SLAMF1: variants seen among roughly 807,000 people sequenced by gnomAD.
SLAMF1 encodes the protein signaling lymphocytic activation molecule.
Under a neutral mutation model 35.1 loss-of-function variants are expected in SLAMF1, and 18 were observed. That is an observed-to-expected ratio of 0.51 (90% CI 0.35 to 0.76). The LOEUF is 0.76. Ranked by LOEUF, SLAMF1 falls within the 30% of genes least tolerant of loss-of-function variation. SLAMF1 has a pLI of 0.01. For missense variants in SLAMF1, 392 were observed against 413.0 expected, an observed-to-expected ratio of 0.95 and a Z score of 0.44; for synonymous variants, 168 against 157.2, an observed-to-expected ratio of 1.07 and a Z score of -0.51.
At position 160,608,625 on chromosome 1, in the gene SLAMF1, C is replaced by T. The variant is rs552809710; in HGVS notation, c.*2123G>A. 2.0e-5 allele frequency: 3 copies of T among 152,344 alleles called. No homozygotes were observed. The highest frequency in any genetic ancestry group is 2.0e-4 in the Admixed American group (3 of 15,304). 9.4% of individuals were successfully genotyped at this position (152,344 alleles called of 1,614,324 possible). The stretch of plus-strand genomic sequence containing the variant: ...GTGCAGGATACTTGGAAGTGATAGC[C>T]TCTTCTTCACCCTTTGTTTCTGCCC... On this transcript the variant is annotated 3_prime_UTR_variant, in exon 7 of 7. Coordinates refer to ENST00000302035, the MANE Select transcript of SLAMF1 (RefSeq NM_003037.5).
chr1:160,630,978 T>C (rs1272860762), intron 3 of SLAMF1, among the ~76,000 whole-genome samples: 2 of 152,218 alleles, frequency 1.3e-5, no homozygotes, highest in Non-Finnish European at 2.9e-5. Context: ...TCCCTCCTGT[T>C]TGTTGCCTTG....
intron 4 of SLAMF1, chr1:160,623,540 G>C: frequency 2.5e-6 from 1 of 398,778 alleles, no homozygotes; most frequent in Non-Finnish European, 4.4e-6. Context: ...CTGGTCTTGG[G>C]TCAGGACATT....
intron 2 of SLAMF1, 131 bp from the exon 3 acceptor site, chr1:160,635,028 G>C: frequency 1.3e-6 from 1 of 751,258 alleles, no homozygotes. Context: ...ATTTCTAGTG[G>C]GGAATCTATT....
intron 5 of SLAMF1, among the ~76,000 whole-genome samples, chr1:160,613,548 A>C (rs1011036873): frequency 1.3e-5 from 2 of 152,208 alleles, no homozygotes; most frequent in Non-Finnish European, 2.9e-5. Context: ...CATTAATTCA[A>C]CACATTTTGG....
chr1:160,639,356 G>T (rs1470446047), intron 1 of SLAMF1, among the ~76,000 whole-genome samples: 1 of 152,136 alleles, frequency 6.6e-6, no homozygotes, highest in Non-Finnish European at 1.5e-5. Flanking sequence ...CTCCTGGGTA[G>T]CTGGGATTAC....
intron 3 of SLAMF1, among the ~76,000 whole-genome samples, chr1:160,628,090 A>G (rs1253500003): frequency 1.3e-5 from 2 of 152,222 alleles, no homozygotes; most frequent in Non-Finnish European, 2.9e-5. Flanking sequence ...TGGAACTATG[A>G]GCCAATTAAA....
At chr1:160,626,380 G>T (rs528904450) in intron 3 of SLAMF1, among the ~76,000 whole-genome samples, 1 of 152,198 alleles carries the variant, frequency 6.6e-6, no homozygotes, top group African/African-American at 2.4e-5. Context: ...TCTTTTCTAG[G>T]GTCTCTAGAG....
intron 3 of SLAMF1, among the ~76,000 whole-genome samples, chr1:160,633,938 G>A (rs1660292009): frequency 6.6e-6 from 1 of 152,150 alleles, no homozygotes; most frequent in African/African-American, 2.4e-5. Context: ...GTTATTGTGA[G>A]GATCAAAAGA....
intron 4 of SLAMF1, among the ~76,000 whole-genome samples, chr1:160,621,855 C>CGTGCGTGTGTGTGT (rs111359378): frequency 1.4e-5 from 2 of 145,210 alleles, no homozygotes; most frequent in African/African-American, 5.2e-5. Context: ...TGCGTGAGTG[C>CGTGCGTGTGTGTGT]GTGTGTGTGT....
chr1:160,634,938 C>A (rs752490536), intron 2 of SLAMF1, 41 bp from the exon 3 acceptor site: 11 of 1,549,210 alleles, frequency 7.1e-6, no homozygotes, highest in South Asian at 1.2e-5. Context: ...CTGAAGTGAA[C>A]CCCTGGGAAT....
At chr1:160,617,061 C>T (rs775025191) in intron 5 of SLAMF1, among the ~76,000 whole-genome samples, 1 of 151,740 alleles carries the variant, frequency 6.6e-6, no homozygotes, top group Non-Finnish European at 1.5e-5. Context: ...GAGGCCGAGA[C>T]AGGAGAATGG....
intron 6 of SLAMF1, among the ~76,000 whole-genome samples, chr1:160,611,527 A>G (rs911039622): frequency 1.3e-5 from 2 of 152,184 alleles, no homozygotes; most frequent in African/African-American, 4.8e-5. Flanking sequence ...AGGAGCTTTG[A>G]AAAATAAGGT....
rs533397187 is a variant in SLAMF1 at position 160,642,274 on chromosome 1, C to T, written c.76+4596G>A. ...TTCTATCTTAGACTATTAGTATGTA[C>T]GTTCCCTAGCCTTAGAGGCTATAAC... On this transcript the variant is annotated intron_variant, in intron 1 of 6. Coordinates refer to ENST00000302035, the MANE Select transcript of SLAMF1 (RefSeq NM_003037.5). This position sits in a 1 kb window ranked among gnomAD's most constrained non-coding sequence, Gnocchi z 4.2. Among the ~76,000 whole-genome samples, 93 of 152,264 alleles carry T rather than the reference C, an allele frequency of 6.1e-4. No individual in the cohort carries two copies. The highest frequency in any genetic ancestry group is 6.8e-3 in the Middle Eastern group (2 of 294).
chr1:160,627,654 A>G (rs1180311913), intron 3 of SLAMF1, among the ~76,000 whole-genome samples: 1 of 152,216 alleles, frequency 6.6e-6, no homozygotes, highest in Non-Finnish European at 1.5e-5. Flanking sequence ...TTGGATAAGT[A>G]TGAAAAAAGT....
chr1:160,629,783 A>G lies in SLAMF1; in HGVS notation c.700+4830T>C, dbSNP rs920201525. Among the ~76,000 whole-genome samples the G allele has an allele frequency of 2.6e-5, 4 of 152,198 alleles. No individual in the cohort carries two copies. The East Asian group carries it at 7.7e-4, about 29-fold the overall frequency. On this transcript the variant is annotated intron_variant, in intron 3 of 6. Coordinates refer to ENST00000302035, the MANE Select transcript of SLAMF1 (RefSeq NM_003037.5). ...GGAGCTATGTGTCTCAGCTTCCCTT[A>G]TAGCGGGTGTGGCCCATGACCAGGC...
At chr1:160,624,500 C>T (rs1388469996) in intron 3 of SLAMF1, among the ~76,000 whole-genome samples, 1 of 152,240 alleles carries the variant, frequency 6.6e-6, no homozygotes, top group African/African-American at 2.4e-5. Context: ...GTCAATCTCT[C>T]TGCCCAGTTT....
chr1:160,639,430 T>C (rs112242144), intron 1 of SLAMF1, among the ~76,000 whole-genome samples: 8 of 152,196 alleles, frequency 5.3e-5, no homozygotes, highest in Non-Finnish European at 1.2e-4. Context: ...TTTCACCATG[T>C]TGGCCAGGCT....
intron 5 of SLAMF1, among the ~76,000 whole-genome samples, chr1:160,612,905 G>A (rs541169746): frequency 8.9e-4 from 135 of 152,264 alleles, no homozygotes; most frequent in African/African-American, 3.1e-3. Flanking sequence ...GGCAGCTGGA[G>A]GGGACAGAAT....
At chr1:160,630,217 C>T (rs1326910417) in intron 3 of SLAMF1, among the ~76,000 whole-genome samples, 3 of 152,194 alleles carry the variant, frequency 2.0e-5, no homozygotes, top group Non-Finnish European at 2.9e-5. Context: ...CTTCACATGA[C>T]CTAGCCAGAG....
Sources: gnomAD v4.1 joint callset for allele counts (sites outside exome capture counted in the v4.1 genomes callset) on GRCh38, gnomAD v4.1.1 for gene constraint, Gnocchi (gnomAD v3.1) non-coding constraint, MANE v1.5 for transcripts, NCBI Gene and HGNC (gene_info 2026-07-23, HGNC 2026-07-21) for gene names.